CLSTN2: variants seen among roughly 807,000 people sequenced by gnomAD.
CLSTN2 encodes the protein calsyntenin 2.
CLSTN2 carries 48 observed loss-of-function variants against 101.2 expected under a neutral mutation model. The observed-to-expected ratio is 0.47, with a 90% CI of 0.38 to 0.60. The LOEUF (loss-of-function observed/expected upper bound fraction) is 0.60. Ranked by LOEUF, CLSTN2 falls within the 20% of genes least tolerant of loss-of-function variation. The pLI is 0.00. For synonymous variants in CLSTN2, 481 were observed against 463.6 expected (o/e 1.04, Z -0.48); for missense variants, 1,160 against 1,238.2 (o/e 0.94, Z 0.95).
rs191137875 is a variant in CLSTN2, at chr3:139,955,714, G to T, written c.109+20231G>T. On this transcript the variant is annotated intron_variant, in intron 1 of 16. Transcript: ENST00000458420. ...TCAGATGTGCCTCTCACTAGCTGATGGCTTGCATTTTCTCCTGGATTCCTT... is the reference window on the plus strand; with the variant it reads ...TCAGATGTGCCTCTCACTAGCTGATTGCTTGCATTTTCTCCTGGATTCCTT... 2.0e-5 allele frequency among the ~76,000 whole-genome samples: 3 copies of T among 152,360 alleles called. No individual in the cohort carries two copies. The East Asian group carries it at 5.8e-4, about 29-fold the overall frequency.
chr3:140,524,697 A>G (rs1179821212), intron 8 of CLSTN2, among the ~76,000 whole-genome samples: 2 of 152,224 alleles, frequency 1.3e-5, no homozygotes, highest in Non-Finnish European at 2.9e-5. Flanking sequence ...TCAGTCATAA[A>G]GCAAGTCTCA....
At chr3:140,480,317 T>C (rs545887602) in intron 8 of CLSTN2, among the ~76,000 whole-genome samples, 3 of 152,370 alleles carry the variant, frequency 2.0e-5, no homozygotes, top group East Asian at 3.9e-4. Flanking sequence ...GGTGTATATG[T>C]GCCACATTTT....
chr3:140,230,039 C>T (rs77061297), intron 2 of CLSTN2, among the ~76,000 whole-genome samples: 37 of 152,048 alleles, frequency 2.4e-4, no homozygotes, highest in African/African-American at 8.2e-4. Flanking sequence ...AGCCTGTGAG[C>T]TGCTTGAGGT....
chr3:140,514,706 CT>C (rs1162701197), intron 8 of CLSTN2, among the ~76,000 whole-genome samples: 1 of 152,140 alleles, frequency 6.6e-6, no homozygotes, highest in Admixed American at 6.5e-5. Flanking sequence ...GATCTCTACA[CT>C]GTTTTCCATA....
chr3:140,443,260 C>T lies in CLSTN2; in HGVS notation c.788-5259C>T, dbSNP rs188727831. Among the ~76,000 whole-genome samples, 53 of 152,330 alleles carry T rather than the reference C, an allele frequency of 3.5e-4. No individual in the cohort carries two copies. In the East Asian group the frequency reaches 9.7e-3, roughly 28 times the overall value. On this transcript the variant is annotated intron_variant, in intron 5 of 16. Transcript: ENST00000458420. ...AGGAAGCGTGTGTTTGCCACACCTA[C>T]CTCTTTCCCTTTTATTATTCTGCAT... is the stretch of plus-strand genomic sequence containing the variant.
intron 1 of CLSTN2, among the ~76,000 whole-genome samples, chr3:140,100,000 C>T (rs1422876073): frequency 1.3e-5 from 2 of 152,128 alleles, no homozygotes; most frequent in African/African-American, 4.8e-5. Context: ...TGGATGTTGG[C>T]CATCCTCTTT....
chr3:140,113,410 A>G (rs2009187339), intron 1 of CLSTN2, among the ~76,000 whole-genome samples: 1 of 152,200 alleles, frequency 6.6e-6, no homozygotes, highest in African/African-American at 2.4e-5. Context: ...ATATAGTTTC[A>G]AAATGGGAAC....
At chr3:140,240,634 G>T (rs1212942681) in intron 2 of CLSTN2, among the ~76,000 whole-genome samples, 1 of 152,098 alleles carries the variant, frequency 6.6e-6, no homozygotes, top group Non-Finnish European at 1.5e-5. Flanking sequence ...CTACCAGGAT[G>T]CTAACACACT....
Position 139,981,292 on chromosome 3 carries a change from G to A in CLSTN2, c.109+45809G>A, listed in dbSNP as rs532500271. 2.1e-3 allele frequency among the ~76,000 whole-genome samples: 324 copies of A among 152,346 alleles called. 1 individual carries two copies. Among genetic ancestry groups the A allele is most frequent in the African/African-American group, 7.3e-3 (302 of 41,584 alleles). On this transcript the variant is annotated intron_variant, in intron 1 of 16. Coordinates refer to ENST00000458420, the MANE Select transcript of CLSTN2 (RefSeq NM_022131.3). ...TTTAAAATCCTTTTGAGCATCTGCT[G>A]TATTCTTAGCTCTGTTCTAGGCAGT...
At chr3:140,163,995 A>T (rs1180856493) in intron 1 of CLSTN2, among the ~76,000 whole-genome samples, 1 of 152,124 alleles carries the variant, frequency 6.6e-6, no homozygotes, top group Non-Finnish European at 1.5e-5. Context: ...AAATGCAATG[A>T]AGTGTGAGAT....
chr3:140,183,618 A>C (rs2010441435), intron 2 of CLSTN2, among the ~76,000 whole-genome samples: 1 of 152,182 alleles, frequency 6.6e-6, no homozygotes, highest in Non-Finnish European at 1.5e-5. Context: ...CTTCTTATAG[A>C]TGGACACTGT....
chr3:139,994,049 C>T lies in CLSTN2; in HGVS notation c.109+58566C>T, dbSNP rs187552305. Among the ~76,000 whole-genome samples the T allele has an allele frequency of 6.7e-3, 1,027 of 152,214 alleles. 5 individuals carry two copies. Among genetic ancestry groups the T allele is most frequent in the Admixed American group, 0.011 (164 of 15,290 alleles). On this transcript the variant is annotated intron_variant, in intron 1 of 16. Coordinates refer to ENST00000458420, the MANE Select transcript of CLSTN2 (RefSeq NM_022131.3). Reference sequence around the variant, plus strand: ...TCACAGAGACTTAGGGAAGGTCTCCCAGTGGAGCGCTGAGTTAACCTCTCT... The same window carrying T: ...TCACAGAGACTTAGGGAAGGTCTCCTAGTGGAGCGCTGAGTTAACCTCTCT...
At chr3:140,217,028 C>G (rs1230303309) in intron 2 of CLSTN2, among the ~76,000 whole-genome samples, 5 of 152,114 alleles carry the variant, frequency 3.3e-5, no homozygotes, top group African/African-American at 9.7e-5. Flanking sequence ...GTAACTTAAC[C>G]AAGATCACGC....
chr3:140,129,799 T>C (rs1279580212), intron 1 of CLSTN2, among the ~76,000 whole-genome samples: 1 of 152,094 alleles, frequency 6.6e-6, no homozygotes, highest in East Asian at 1.9e-4. Context: ...AGGAGCCCTT[T>C]CTCTTGGAGT....
intron 8 of CLSTN2, among the ~76,000 whole-genome samples, chr3:140,500,598 C>T (rs1934557825): frequency 6.6e-6 from 1 of 152,136 alleles, no homozygotes; most frequent in Non-Finnish European, 1.5e-5. Flanking sequence ...TTCGTGTTTG[C>T]TCAGTTGGCT....
chr3:140,114,595 T>G (rs1286169284), intron 1 of CLSTN2, among the ~76,000 whole-genome samples: 1 of 152,174 alleles, frequency 6.6e-6, no homozygotes, highest in African/African-American at 2.4e-5. Flanking sequence ...CTGATTGCCA[T>G]GGCAGAATGT....
Position 140,435,879 on chromosome 3 carries a change from T to C in CLSTN2, c.788-12640T>C, listed in dbSNP as rs1001785962. Among the ~76,000 whole-genome samples, 5 of 152,324 alleles carry C rather than the reference T, an allele frequency of 3.3e-5. No individual in the cohort carries two copies. The South Asian group carries it at 8.3e-4, about 25-fold the overall frequency. Reference sequence around the variant, plus strand: ...CATTTGTAGGTCTTCTTTTAAGAAATGTCTATTCAAATATTTTGCCTATCC... The same window carrying C: ...CATTTGTAGGTCTTCTTTTAAGAAACGTCTATTCAAATATTTTGCCTATCC... On this transcript the variant is annotated intron_variant, in intron 5 of 16. Transcript: ENST00000458420.
intron 1 of CLSTN2, among the ~76,000 whole-genome samples, chr3:140,131,587 T>A (rs972660061): frequency 5.9e-5 from 9 of 152,182 alleles, no homozygotes; most frequent in African/African-American, 2.2e-4. Context: ...GCAGACCTAC[T>A]TCGGCTGATT....
At chr3:139,952,013 A>G (rs1935304430) in intron 1 of CLSTN2, among the ~76,000 whole-genome samples, 2 of 152,160 alleles carry the variant, frequency 1.3e-5, no homozygotes, top group South Asian at 4.1e-4. Context: ...TGTTTCTAAG[A>G]GAGAGGCTGG....
Sources: gnomAD v4.1 joint callset for allele counts (sites outside exome capture counted in the v4.1 genomes callset) on GRCh38, gnomAD v4.1.1 for gene constraint, MANE v1.5 for transcripts, NCBI Gene and HGNC (gene_info 2026-07-23, HGNC 2026-07-21) for gene names.